Variants in VPS13D observed in about 807,000 individuals in gnomAD.
VPS13D encodes the protein intermembrane lipid transfer protein VPS13D.
In VPS13D, 187 loss-of-function variants were observed where a neutral mutation model predicts 461.9. The observed-to-expected ratio is 0.40, with a 90% confidence interval of 0.36 to 0.46. The LOEUF is 0.46. Ranked by LOEUF, VPS13D falls within the 20% of genes least tolerant of loss-of-function variation. The pLI is 0.60. For missense variants in VPS13D, 4,711 were observed against 5,364.9 expected, an observed-to-expected ratio of 0.88 and a Z score of 3.81; for synonymous variants, 1,951 against 1,986.3, an observed-to-expected ratio of 0.98 and a Z score of 0.47.
At chr1:12,494,031 T>A (rs1226670368) in intron 67 of VPS13D, among the ~76,000 whole-genome samples, 1 of 152,200 alleles carries the variant, frequency 6.6e-6, no homozygotes, top group Non-Finnish European at 1.5e-5. Flanking sequence ...CATAAGACTG[T>A]AACAGAAGAT....
chr1:12,463,772 G>C (rs552352480), intron 67 of VPS13D, among the ~76,000 whole-genome samples: 70 of 152,284 alleles, frequency 4.6e-4, no homozygotes, highest in Middle Eastern at 6.8e-3. Flanking sequence ...GAGAACACTT[G>C]ATCTGGAAAA....
At chr1:12,356,371 A>G in intron 48 of VPS13D, 27 bp from the exon 49 acceptor site, 1 of 1,603,962 alleles carries the variant, frequency 6.2e-7, no homozygotes, top group Middle Eastern at 1.7e-4. Flanking sequence ...GGTGGTATTG[A>G]TGTAAACTTT....
At chr1:12,338,847 A>G (rs888672186) in intron 40 of VPS13D, among the ~76,000 whole-genome samples, 4 of 152,220 alleles carry the variant, frequency 2.6e-5, no homozygotes, top group African/African-American at 9.6e-5. Context: ...TCTATCTCTG[A>G]TCTTTGAAAG....
At chr1:12,424,744 A>G (rs1425191014) in intron 65 of VPS13D, among the ~76,000 whole-genome samples, 2 of 152,200 alleles carry the variant, frequency 1.3e-5, no homozygotes, top group Non-Finnish European at 2.9e-5. Flanking sequence ...TTCATTTCCT[A>G]ATGGTAGTTC....
chr1:12,402,417 A>T (rs80211155), intron 62 of VPS13D, among the ~76,000 whole-genome samples: 4,706 of 152,314 alleles, frequency 0.031, 111 homozygotes, highest in Non-Finnish European at 0.049. Flanking sequence ...TGAAGCCTAA[A>T]CTAAATATTG....
At chr1:12,286,461 A>G (rs1376771147) in intron 21 of VPS13D, among the ~76,000 whole-genome samples, 1 of 152,192 alleles carries the variant, frequency 6.6e-6, no homozygotes, top group South Asian at 2.1e-4. Context: ...TCTTTTAATT[A>G]TAGTGTATCT....
In VPS13D at chr1:12,318,156, T is replaced by G. The variant is rs138619912; in HGVS notation, c.7233T>G (p.His2411Gln). 2.4e-5 allele frequency: 39 copies of G among 1,614,072 alleles called. No homozygotes were observed. The highest frequency in any genetic ancestry group is 3.2e-5 in the Non-Finnish European group (38 of 1,180,018). Residue 2411 changes from histidine (H) to glutamine (Q), a missense_variant, in exon 31 of 70, where the codon CAT (histidine) becomes CAG (glutamine). By Grantham distance (24) the His-to-Gln change is conservative. Coordinates refer to ENST00000620676, the MANE Select transcript of VPS13D (RefSeq NM_015378.4). ...TATTTGACTGGCTACTGTTAGTCCA[T>G]GATTTTCTCCACACTCCCAGTGATA... is the stretch of plus-strand genomic sequence containing the variant. ...FLIFDWLLLV[H>Q]DFLHTPSDIK...
intron 13 of VPS13D, 56 bp from the exon 14 acceptor site, chr1:12,266,825 A>G (rs967310213): frequency 1.5e-6 from 2 of 1,376,884 alleles, no homozygotes; most frequent in African/African-American, 1.5e-5. Context: ...AATATTTTCA[A>G]AAACACATTA....
chr1:12,504,432 T>G (rs1054291267), intron 68 of VPS13D, among the ~76,000 whole-genome samples: 1 of 152,244 alleles, frequency 6.6e-6, no homozygotes, highest in African/African-American at 2.4e-5. Flanking sequence ...CTTCGGGGCA[T>G]GCACAGGGTC....
At chr1:12,500,651 T>C (rs1055709803) in intron 68 of VPS13D, among the ~76,000 whole-genome samples, 1 of 151,940 alleles carries the variant, frequency 6.6e-6, no homozygotes, top group African/African-American at 2.4e-5. Context: ...ATTTATGGGA[T>C]TTTTTAAATA....
chr1:12,327,570 A>C (rs1643223804), intron 35 of VPS13D, 78 bp from the exon 36 acceptor site: 1 of 1,344,868 alleles, frequency 7.4e-7, no homozygotes, highest in East Asian at 3.2e-5. Flanking sequence ...AGAGAATTTT[A>C]TTTCTCTGTT....
intron 67 of VPS13D, among the ~76,000 whole-genome samples, chr1:12,462,910 C>A (rs1184259444): frequency 6.6e-6 from 1 of 152,214 alleles, no homozygotes; most frequent in Non-Finnish European, 1.5e-5. Flanking sequence ...GCACTGGCCA[C>A]TCCTCATCTC....
chr1:12,266,406 C>T (rs1052633678), intron 13 of VPS13D, among the ~76,000 whole-genome samples: 54 of 152,194 alleles, frequency 3.5e-4, no homozygotes, highest in African/African-American at 1.3e-3. Flanking sequence ...CCACAGTCAC[C>T]CCAACACTTC....
intron 60 of VPS13D, 79 bp downstream of exon 60, chr1:12,386,413 A>G (rs1644351891): frequency 1.4e-6 from 2 of 1,436,004 alleles, no homozygotes; most frequent in African/African-American, 1.5e-5. Context: ...TTGATGTTCT[A>G]AGAACTTTAA....
intron 67 of VPS13D, among the ~76,000 whole-genome samples, chr1:12,474,139 G>C (rs1303082179): frequency 4.6e-5 from 7 of 152,162 alleles, no homozygotes; most frequent in Non-Finnish European, 1.0e-4. Context: ...ATTGGCATCT[G>C]TTGTCTGCCG....
At chr1:12,248,745 C>G (rs565332409) in intron 5 of VPS13D, among the ~76,000 whole-genome samples, 1 of 152,230 alleles carries the variant, frequency 6.6e-6, no homozygotes, top group South Asian at 2.1e-4. Context: ...AGTTTATGTG[C>G]CTTGCTGGTT....
chr1:12,453,560 C>T (rs1160251072), intron 65 of VPS13D, among the ~76,000 whole-genome samples: 1 of 152,142 alleles, frequency 6.6e-6, no homozygotes, highest in African/African-American at 2.4e-5. Context: ...ACGTTTTTGT[C>T]TGGAACCTGA....
chr1:12,239,568 A>G (rs1163499000), intron 2 of VPS13D, among the ~76,000 whole-genome samples: 4 of 152,260 alleles, frequency 2.6e-5, no homozygotes, highest in African/African-American at 4.8e-5. Flanking sequence ...GCCAGAAGGT[A>G]GAGGCTGCCA....
At chr1:12,397,557 G>A (rs1644516786) in intron 60 of VPS13D, among the ~76,000 whole-genome samples, 1 of 152,128 alleles carries the variant, frequency 6.6e-6, no homozygotes, top group African/African-American at 2.4e-5. Flanking sequence ...CATTCTTACT[G>A]AGCATCAAGT....
Sources: allele counts gnomAD v4.1 joint callset (sites outside exome capture counted in the v4.1 genomes callset), GRCh38; gene constraint gnomAD v4.1.1; transcripts MANE v1.5; gene names NCBI Gene and HGNC (gene_info 2026-07-23, HGNC 2026-07-21).